Variants in TCIRG1 observed in about 807,000 individuals in gnomAD.
TCIRG1 encodes the protein V-type proton ATPase 116 kDa subunit a 3.
TCIRG1 carries 86 observed loss-of-function variants against 95.5 expected under a neutral mutation model. That is an observed-to-expected ratio of 0.90 (90% CI 0.76 to 1.08). The LOEUF (loss-of-function observed/expected upper bound fraction) is 1.08. TCIRG1 is among the 50% of genes least tolerant of loss of function. The pLI is 0.00. For missense variants in TCIRG1, 1,069 were observed against 1,140.2 expected (o/e 0.94, Z 0.90); for synonymous variants, 499 against 501.3 (o/e 1.00, Z 0.06).
At chr11:68,049,590 G>A in intron 15 of TCIRG1, 73 bp from the exon 16 acceptor site, 1 of 1,559,708 alleles carries the variant, frequency 6.4e-7, no homozygotes, top group Non-Finnish European at 8.6e-7. Flanking sequence ...TGGGCCCCGT[G>A]ACTGCTGTGA....
In TCIRG1 at chr11:68,047,263, C is replaced by T. The variant is rs867036291; in HGVS notation, c.1166-170C>T. ...TGACCTCGGGTGATGCCCCCCCCCCCCCCCGTCTCGGCCTCCCAGAGTGCT... is the reference window on the plus strand; with the variant it reads ...TGACCTCGGGTGATGCCCCCCCCCCTCCCCGTCTCGGCCTCCCAGAGTGCT... On this transcript the variant is annotated intron_variant, in intron 10 of 19. Transcript: ENST00000265686. Among the ~76,000 whole-genome samples, 32 of 112,954 alleles carry T rather than the reference C, an allele frequency of 2.8e-4. 2 individuals are homozygous for T. The highest frequency in any genetic ancestry group is 3.4e-4 in the Non-Finnish European group (17 of 50,122). The allele number at this position is 112,954 out of a possible 152,430, so 74.1% of individuals were successfully genotyped here.
intron 15 of TCIRG1, 68 bp from the exon 16 acceptor site, chr11:68,049,595 C>G: frequency 6.4e-7 from 1 of 1,567,540 alleles, no homozygotes; most frequent in Non-Finnish European, 8.6e-7. Flanking sequence ...CCCGTGACTG[C>G]TGTGACTCAG....
rs201106242 is a variant in TCIRG1, at chr11:68,049,331, C to T, written c.1887+37C>T. 1,608 of 1,571,142 alleles carry T rather than the reference C, an allele frequency of 1.0e-3. 2 individuals carry two copies. The highest frequency in any genetic ancestry group is 8.6e-3 in the Middle Eastern group (48 of 5,600). On this transcript the variant is annotated intron_variant, in intron 15 of 19. Coordinates refer to ENST00000265686, the MANE Select transcript of TCIRG1 (RefSeq NM_006019.4). ...CTGGTGGGGGCCGGGCTCACACGGC[C>T]TCATGGGGACCCCGCGGTCACAGGG...
In TCIRG1 at chr11:68,047,480, G is replaced by A. The variant is rs137853150; in HGVS notation, c.1213G>A (p.Gly405Arg). 2.9e-5 allele frequency: 47 copies of A among 1,613,916 alleles called. No individual in the cohort carries two copies. In the Admixed American group the frequency reaches 7.2e-4, roughly 25 times the overall value. Reference protein sequence around the residue: ...TFPFLFAVMFGDVGHGLLMFL... With the variant: ...TFPFLFAVMFRDVGHGLLMFL... ...CCCCTTCCTGTTTGCTGTGATGTTC[G>A]GGGATGTGGGCCACGGGCTGCTCAT... Residue 405 changes from glycine to arginine, a missense_variant, in exon 11 of 20, where the codon GGG becomes AGG. By Grantham distance (125) the Gly-to-Arg change is moderately radical. Transcript: ENST00000265686.
chr11:68,052,482 C>G (rs986034510), downstream of TCIRG1: 1 of 152,270 alleles, frequency 6.6e-6, no homozygotes, highest in Non-Finnish European at 1.5e-5. Flanking sequence ...AGGAGCGCAA[C>G]ACCTTTACTG....
intron 3 of TCIRG1, 27 bp from the exon 4 acceptor site, chr11:68,042,616 A>G (rs1189581149): frequency 6.5e-7 from 1 of 1,533,912 alleles, no homozygotes; most frequent in South Asian, 1.2e-5. Context: ...CCTCAACTGC[A>G]CCCCACTCCC....
In TCIRG1 at chr11:68,047,672, G is replaced by A. The variant is rs137853151; in HGVS notation, c.1331G>A (p.Arg444His). The A allele has an allele frequency of 1.3e-5, 21 of 1,613,374 alleles. No homozygotes were observed. The highest frequency in any genetic ancestry group is 1.1e-4 in the East Asian group (5 of 44,870). Reference sequence around the variant, plus strand: ...ATCTGGCAGACTTTCTTCAGGGGCCGCTACCTGCTCCTGCTTATGGGCCTG... The same window carrying A: ...ATCTGGCAGACTTTCTTCAGGGGCCACTACCTGCTCCTGCTTATGGGCCTG... ...NEIWQTFFRGRYLLLLMGLFS... is the reference protein window; with the variant it reads ...NEIWQTFFRGHYLLLLMGLFS... The change falls in exon 12 of 20, where the codon CGC becomes CAC. Residue 444 changes from arginine to histidine, a missense_variant. Arg to His is a conservative substitution (Grantham distance 29, BLOSUM62 0). Transcript: ENST00000265686.
rs200209146 is a variant in TCIRG1, at chr11:68,050,207, A to G, written c.2189A>G (p.Asn730Ser). The change falls in exon 18 of 20, where the codon AAC (asparagine) becomes AGC (serine). Residue 730 changes from asparagine (N) to serine (S), a missense_variant. Physicochemically the swap from Asn to Ser is conservative, Grantham distance 46. Coordinates refer to ENST00000265686, the MANE Select transcript of TCIRG1 (RefSeq NM_006019.4). ...GAGTTCTGCCTGGGCTGCGTCTCCA[A>G]CACCGCCTCCTACCTGCGCCTGTGG... is the stretch of plus-strand genomic sequence containing the variant. ...TIEFCLGCVS[N>S]TASYLRLWAL... The G allele has an allele frequency of 1.2e-6, 2 of 1,613,514 alleles. No homozygotes were observed. Among genetic ancestry groups the G allele is most frequent in the Non-Finnish European group, 1.7e-6 (2 of 1,179,900 alleles).
chr11:68,045,201 C>T, intron 10 of TCIRG1, 99 bp downstream of exon 10: 3 of 1,461,778 alleles, frequency 2.1e-6, no homozygotes, highest in East Asian at 2.3e-5. Flanking sequence ...CTGGGCCTGG[C>T]CTGCCCTCCT....
intron 10 of TCIRG1, 97 bp from the exon 11 acceptor site, chr11:68,047,336 C>A: frequency 8.2e-7 from 1 of 1,226,556 alleles, no homozygotes; most frequent in South Asian, 1.2e-5. Flanking sequence ...GTGATGGGTT[C>A]TTGACTGCAG....
In TCIRG1 at chr11:68,044,379, G is replaced by T. The variant is rs186946909; in HGVS notation, c.1020+35G>T. 8 of 1,508,740 alleles carry T rather than the reference G, an allele frequency of 5.3e-6. No individual in the cohort carries two copies. In the Admixed American group the frequency reaches 5.9e-5, roughly 11 times the overall value. 93.5% of individuals were successfully genotyped at this position (1,508,740 alleles called of 1,614,324 possible). A position where few individuals can be genotyped will look rare whatever the true frequency, so the allele number is the denominator to read the frequency against. On this transcript the variant is annotated intron_variant, in intron 9 of 19. Transcript: ENST00000265686. ...CTGAGGCCTCGCCCCCTCTCCGCCC[G>T]CCCCTCCTACCAGGCCGGGGCGTTT...
chr11:68,040,562 C>T (rs2134428440), intron 1 of TCIRG1, among the ~76,000 whole-genome samples: 1 of 152,338 alleles, frequency 6.6e-6, no homozygotes, highest in African/African-American at 2.4e-5. Context: ...GGGCCCTGGG[C>T]CCTGAGAGCA....
chr11:68,043,736 T>C, intron 7 of TCIRG1, 78 bp from the exon 8 acceptor site: 1 of 1,532,314 alleles, frequency 6.5e-7, no homozygotes. Flanking sequence ...TCGTGACTCC[T>C]CCCCATGAGC....
Position 68,043,802 on chromosome 11 carries a change from T to A in TCIRG1, c.714-12T>A. Reference sequence around the variant, plus strand: ...TCCTTCTGGCCCCTCACGCAGCGCATCCTCCCTCCAGCTTCCACTGCCACG... The same window carrying A: ...TCCTTCTGGCCCCTCACGCAGCGCAACCTCCCTCCAGCTTCCACTGCCACG... On this transcript the variant is annotated splice_polypyrimidine_tract_variant and intron_variant, in intron 7 of 19. Coordinates refer to ENST00000265686, the MANE Select transcript of TCIRG1 (RefSeq NM_006019.4). 6.4e-7 allele frequency: 1 copy of A among 1,557,730 alleles called. No homozygotes were observed.
chr11:68,043,666 G>A lies in TCIRG1; in HGVS notation c.713+13G>A, dbSNP rs1482485177. On this transcript the variant is annotated intron_variant, in intron 7 of 19. Coordinates refer to ENST00000265686, the MANE Select transcript of TCIRG1 (RefSeq NM_006019.4). ...AGATCACGGACTGGTGAGTCACTGG[G>A]AACACCCGCCCCACCGCCCTGCTCC... 1 of 1,599,338 alleles carries A rather than the reference G, an allele frequency of 6.3e-7. No homozygotes were observed. The highest frequency in any genetic ancestry group is 1.7e-4 in the Middle Eastern group (1 of 6,042).
rs747692743 is a variant in TCIRG1 at position 68,047,934 on chromosome 11, G to A, written c.1516G>A (p.Gly506Ser). The part of the protein sequence containing the change: ...TMLTLDPNVT[G>S]VFLGPYPFGI... ...GCTTACCCTGGATCCCAACGTCACC[G>A]GTGTCTTCCTGGGACCCTACCCCTT... is the stretch of plus-strand genomic sequence containing the variant. The change falls in exon 13 of 20, where the codon GGT becomes AGT. Residue 506 changes from glycine (G) to serine (S), a missense_variant. By Grantham distance (56) the Gly-to-Ser change is moderately conservative (BLOSUM62 0). Coordinates refer to ENST00000265686, the MANE Select transcript of TCIRG1 (RefSeq NM_006019.4). 1.4e-5 allele frequency: 23 copies of A among 1,613,702 alleles called. No homozygotes were observed. Among genetic ancestry groups the A allele is most frequent in the Middle Eastern group, 1.6e-4 (1 of 6,084 alleles).
rs1554999205 is a variant in TCIRG1, at chr11:68,049,295, G to C, written c.1887+1G>C. On this transcript the variant is annotated splice_donor_variant, in intron 15 of 19. Coordinates refer to ENST00000265686, the MANE Select transcript of TCIRG1 (RefSeq NM_006019.4). LOFTEE classifies it high-confidence loss of function. Reference sequence around the variant, plus strand: ...CAACAGGCTGCTCTACCCCCGGCAGGTGGGCTGCGGCTGGTGGGGGCCGGG... The same window carrying C: ...CAACAGGCTGCTCTACCCCCGGCAGCTGGGCTGCGGCTGGTGGGGGCCGGG... 1 of 1,605,844 alleles carries C rather than the reference G, an allele frequency of 6.2e-7. No individual in the cohort carries two copies. Among genetic ancestry groups the C allele is most frequent in the Non-Finnish European group, 8.5e-7 (1 of 1,175,832 alleles).
In TCIRG1 at chr11:68,049,306, C is replaced by T; in HGVS notation, c.1887+12C>T. ...TCTACCCCCGGCAGGTGGGCTGCGG[C>T]TGGTGGGGGCCGGGCTCACACGGCC... On this transcript the variant is annotated intron_variant, in intron 15 of 19. Coordinates refer to ENST00000265686, the MANE Select transcript of TCIRG1 (RefSeq NM_006019.4). 6.2e-7 allele frequency: 1 copy of T among 1,602,230 alleles called. No individual in the cohort carries two copies. Among genetic ancestry groups the T allele is most frequent in the Non-Finnish European group, 8.5e-7 (1 of 1,174,410 alleles).
At chr11:68,048,736 G>C in intron 13 of TCIRG1, 143 bp from the exon 14 acceptor site, 1 of 766,616 alleles carries the variant, frequency 1.3e-6, no homozygotes. Flanking sequence ...GCGCTCTGTT[G>C]CCCCTCGGTG....
Sources: allele counts gnomAD v4.1 joint callset (sites outside exome capture counted in the v4.1 genomes callset), GRCh38; gene constraint gnomAD v4.1.1; transcripts MANE v1.5; gene names NCBI Gene and HGNC (gene_info 2026-07-23, HGNC 2026-07-21).